Variants in STOX2 observed in about 807,000 individuals in gnomAD.
STOX2 encodes storkhead-box protein 2.
In STOX2, 28 loss-of-function variants were observed where a neutral mutation model predicts 60.9. That is an observed-to-expected ratio of 0.46 (90% CI 0.34 to 0.63). STOX2 has a LOEUF of 0.63. STOX2 is among the 30% of genes least tolerant of loss of function. The probability of loss-of-function intolerance (pLI) is 0.01; values close to 1 mark genes in which losing one functional copy is unlikely to be tolerated. For synonymous variants in STOX2, 472 were observed against 463.9 expected (o/e 1.02, Z -0.22); for missense variants, 1,024 against 1,187.7 (o/e 0.86, Z 2.03).
At chr4:183,984,121 G>T (rs1439696074) in intron 1 of STOX2, among the ~76,000 whole-genome samples, 6 of 152,242 alleles carry the variant, frequency 3.9e-5, no homozygotes. Context: ...CTTCAGCATA[G>T]ATTTAGGGTC....
At chr4:184,002,744 ACC>A (rs1426189852) in intron 2 of STOX2, among the ~76,000 whole-genome samples, 1 of 152,196 alleles carries the variant, frequency 6.6e-6, no homozygotes, top group Non-Finnish European at 1.5e-5. Context: ...GGGGAAGTGC[ACC>A]CCACACATGG....
chr4:183,857,683 C>G (rs6831727), intron 1 of STOX2, among the ~76,000 whole-genome samples: 76,487 of 151,944 alleles, frequency 0.5, 19,506 homozygotes, highest in Non-Finnish European at 0.55. Context: ...ATGGAGGAAC[C>G]TTCCCCCCAG....
chr4:183,803,129 A>G (rs1738805689), intron 1 of STOX2, among the ~76,000 whole-genome samples: 1 of 152,194 alleles, frequency 6.6e-6, no homozygotes, highest in South Asian at 2.1e-4. Context: ...TTTTAAAACC[A>G]TCAGATCTCG....
chr4:183,943,948 C>T (rs1579447803), intron 1 of STOX2, among the ~76,000 whole-genome samples: 1 of 152,222 alleles, frequency 6.6e-6, no homozygotes. Flanking sequence ...GCTGTAGCCA[C>T]CACTGAGCAC....
intron 1 of STOX2, among the ~76,000 whole-genome samples, chr4:183,953,775 A>G (rs1044067687): frequency 2.6e-5 from 4 of 152,100 alleles, no homozygotes; most frequent in African/African-American, 9.7e-5. Context: ...CATGTTGCCC[A>G]GGCTGGTCTT....
intron 1 of STOX2, among the ~76,000 whole-genome samples, chr4:183,849,155 G>A (rs1740051800): frequency 6.6e-6 from 1 of 152,244 alleles, no homozygotes; most frequent in Non-Finnish European, 1.5e-5. Context: ...GGAGCAGCCA[G>A]ATTTCCTGGG....
At chr4:183,909,869 A>T (rs1741730311) in intron 1 of STOX2, among the ~76,000 whole-genome samples, 1 of 152,240 alleles carries the variant, frequency 6.6e-6, no homozygotes, top group African/African-American at 2.4e-5. Context: ...GGCCTTTCCG[A>T]TACCTTCAGG....
intron 1 of STOX2, among the ~76,000 whole-genome samples, chr4:183,952,465 A>G (rs1172099458): frequency 6.6e-6 from 1 of 152,250 alleles, no homozygotes; most frequent in Non-Finnish European, 1.5e-5. Context: ...CCACAAGAGT[A>G]GTTTAGTTAG....
rs3042606 is a variant in STOX2, at chr4:183,970,139, CGTGTGT to C, written c.167-31148_167-31143del. ...CAATCTCAGTCTATAACTACATGTA[CGTGTGT>C]GTGTGTGTGTGTGTGTGTGTGTGTG... On this transcript the variant is annotated intron_variant, in intron 1 of 3. Transcript: ENST00000308497. 3.6e-3 allele frequency among the ~76,000 whole-genome samples: 456 copies of C among 126,982 alleles called. 4 individuals are homozygous for C. The highest frequency in any genetic ancestry group is 0.013 in the African/African-American group (395 of 29,804). The allele number at this position is 126,982 out of a possible 152,430, so 83.3% of individuals were successfully genotyped here.
At chr4:183,808,588 GAAAGCAGTACGTTTT>G (rs2111098316) in intron 1 of STOX2, among the ~76,000 whole-genome samples, 1 of 152,292 alleles carries the variant, frequency 6.6e-6, no homozygotes, top group East Asian at 1.9e-4. Context: ...AGAAAATGCA[GAAAGCAGTACGTTTT>G]AAATATAGGA....
chr4:183,913,913 C>G (rs1741857739), intron 1 of STOX2, among the ~76,000 whole-genome samples: 1 of 152,192 alleles, frequency 6.6e-6, no homozygotes, highest in African/African-American at 2.4e-5. Flanking sequence ...TTCGCTTTAA[C>G]TTGATCTACT....
At chr4:183,985,544 T>C (rs1226273802) in intron 1 of STOX2, among the ~76,000 whole-genome samples, 2 of 152,200 alleles carry the variant, frequency 1.3e-5, no homozygotes, top group African/African-American at 2.4e-5. Context: ...GAAGATGATG[T>C]GAGTTTCTAA....
chr4:183,999,167 G>A (rs115238190), intron 1 of STOX2, among the ~76,000 whole-genome samples: 242 of 152,200 alleles, frequency 1.6e-3, no homozygotes, highest in Middle Eastern at 3.4e-3. Context: ...GTTCTAGGCC[G>A]TTGGAAACTT....
Position 183,967,402 on chromosome 4 carries a change from C to T in STOX2, c.167-33923C>T, listed in dbSNP as rs73008323. ...AAAAAAAAAAGAAGTGAGAGGAAAG[C>T]GGTTAAAGATGATGGGGTGTGCATA... On this transcript the variant is annotated intron_variant, in intron 1 of 3. Coordinates refer to ENST00000308497, the MANE Select transcript of STOX2 (RefSeq NM_020225.3). 2.8e-3 allele frequency among the ~76,000 whole-genome samples: 420 copies of T among 149,588 alleles called. 2 individuals are homozygous for T. The highest frequency in any genetic ancestry group is 9.8e-3 in the African/African-American group (398 of 40,744).
chr4:183,919,112 A>G (rs1439804289), intron 1 of STOX2, among the ~76,000 whole-genome samples: 1 of 152,188 alleles, frequency 6.6e-6, no homozygotes, highest in African/African-American at 2.4e-5. Flanking sequence ...ATGATTCCAC[A>G]AGTATTGGCT....
chr4:183,961,388 T>C (rs1179379950), intron 1 of STOX2, among the ~76,000 whole-genome samples: 2 of 147,994 alleles, frequency 1.4e-5, no homozygotes, highest in Admixed American at 1.3e-4. Context: ...TGCTGCTGCA[T>C]AGAACGGTGG....
intron 1 of STOX2, among the ~76,000 whole-genome samples, chr4:183,920,167 G>A (rs1375760219): frequency 6.6e-6 from 1 of 151,964 alleles, no homozygotes; most frequent in African/African-American, 2.4e-5. Flanking sequence ...CCAGGCTGGA[G>A]CACAGTGGCA....
At chr4:183,950,635 A>G (rs1743040582) in intron 1 of STOX2, among the ~76,000 whole-genome samples, 1 of 152,032 alleles carries the variant, frequency 6.6e-6, no homozygotes, top group African/African-American at 2.4e-5. Flanking sequence ...AGGGGCTGGA[A>G]TGACATGGAG....
At chr4:183,950,133 G>A (rs1217263794) in intron 1 of STOX2, among the ~76,000 whole-genome samples, 1 of 152,240 alleles carries the variant, frequency 6.6e-6, no homozygotes, top group African/African-American at 2.4e-5. Context: ...CCAGAGAAGG[G>A]ACAGCTAAAG....
Sources: allele counts gnomAD v4.1 joint callset (sites outside exome capture counted in the v4.1 genomes callset), GRCh38; gene constraint gnomAD v4.1.1; transcripts MANE v1.5; gene names NCBI Gene and HGNC (gene_info 2026-07-23, HGNC 2026-07-21).